The following GRID2 variants were observed in gnomAD, a reference collection of about 807,000 sequenced individuals.
The protein encoded by GRID2 is glutamate receptor ionotropic, delta-2.
Under a neutral mutation model 114.8 loss-of-function variants are expected in GRID2, and 33 were observed. That is an observed-to-expected ratio of 0.29 (90% CI 0.22 to 0.38). GRID2 has a LOEUF of 0.38. Among genes scored for constraint, GRID2 ranks in the 10% least tolerant of loss-of-function variants. The pLI is 1.00. For synonymous variants in GRID2, 505 were observed against 449.9 expected, an observed-to-expected ratio of 1.12 and a Z score of -1.55; for missense variants, 1,184 against 1,257.7, an observed-to-expected ratio of 0.94 and a Z score of 0.89.
At chr4:92,512,883 A>C (rs1038326444) in intron 1 of GRID2, among the ~76,000 whole-genome samples, 14 of 151,862 alleles carry the variant, frequency 9.2e-5, no homozygotes, top group Non-Finnish European at 5.9e-5. Context: ...ATATTTTTGA[A>C]AAAGTATCAT....
chr4:92,809,154 C>T (rs1011977482), intron 2 of GRID2, among the ~76,000 whole-genome samples: 3 of 151,748 alleles, frequency 2.0e-5, no homozygotes, highest in African/African-American at 7.3e-5. Flanking sequence ...TTATCCATGC[C>T]CTTTAGAACA....
intron 2 of GRID2, among the ~76,000 whole-genome samples, chr4:93,077,112 G>A (rs1258008839): frequency 6.6e-6 from 1 of 152,144 alleles, no homozygotes; most frequent in Admixed American, 6.6e-5. Flanking sequence ...GACAGTTTTG[G>A]TAATTGAGTG....
At chr4:92,884,512 A>G (rs1336639739) in intron 2 of GRID2, among the ~76,000 whole-genome samples, 1 of 152,224 alleles carries the variant, frequency 6.6e-6, no homozygotes, top group African/African-American at 2.4e-5. Context: ...GGCATTCAGC[A>G]TGCCTTCCTC....
intron 2 of GRID2, among the ~76,000 whole-genome samples, chr4:92,930,391 ATTTAT>A (rs1424280947): frequency 6.6e-6 from 1 of 151,208 alleles, no homozygotes; most frequent in East Asian, 1.9e-4. Context: ...TGCTTGTTCA[ATTTAT>A]TTTAATTTAT....
At chr4:92,459,405 ACCAT>A (rs1721371219) in intron 1 of GRID2, among the ~76,000 whole-genome samples, 1 of 152,210 alleles carries the variant, frequency 6.6e-6, no homozygotes, top group Admixed American at 6.5e-5. Flanking sequence ...CAATATGCAA[ACCAT>A]CCATAACCAC....
intron 2 of GRID2, among the ~76,000 whole-genome samples, chr4:92,866,211 A>T (rs1051113088): frequency 6.6e-6 from 1 of 152,100 alleles, no homozygotes; most frequent in Non-Finnish European, 1.5e-5. Flanking sequence ...GTCCATCATC[A>T]CTCAAATTGT....
chr4:92,320,715 C>A (rs1345914253), intron 1 of GRID2, among the ~76,000 whole-genome samples: 1 of 152,014 alleles, frequency 6.6e-6, no homozygotes, highest in East Asian at 1.9e-4. Context: ...TGACCTCAAG[C>A]GATCCACCTG....
At chr4:93,536,592 T>G (rs1290440787) in intron 13 of GRID2, among the ~76,000 whole-genome samples, 1 of 151,142 alleles carries the variant, frequency 6.6e-6, no homozygotes, top group Non-Finnish European at 1.5e-5. Flanking sequence ...AAAGAAAATA[T>G]AGTGGAGGAA....
Position 93,490,697 on chromosome 4 carries a change from A to C in GRID2, c.1917A>C (p.Leu639=). 2 of 1,609,770 alleles carry C rather than the reference A, an allele frequency of 1.2e-6. No homozygotes were observed. Among genetic ancestry groups the C allele is most frequent in the Non-Finnish European group, 1.7e-6 (2 of 1,176,772 alleles). The part of the protein sequence containing the change: ...ATRMMMGAWW[L]FALIVISSYT... ...GAATGATGATGGGGGCTTGGTGGCT[A>C]TTTGCTTTGATTGTTATCTCATCTT... Residue 639 remains leucine, a synonymous_variant, in exon 12 of 16, where the codon CTA becomes CTC. Coordinates refer to ENST00000282020, the MANE Select transcript of GRID2 (RefSeq NM_001510.4).
chr4:93,094,471 T>G (rs1257052470), intron 3 of GRID2, among the ~76,000 whole-genome samples: 1 of 152,092 alleles, frequency 6.6e-6, no homozygotes, highest in East Asian at 1.9e-4. Flanking sequence ...CTCAGTCCAG[T>G]ATTCTCTCTG....
chr4:92,525,328 C>T (rs898154712), intron 1 of GRID2, among the ~76,000 whole-genome samples: 3 of 151,618 alleles, frequency 2.0e-5, no homozygotes, highest in African/African-American at 7.3e-5. Flanking sequence ...GGTTAAAGAA[C>T]AGTGGAAATG....
At chr4:92,706,818 A>G (rs536019692) in intron 2 of GRID2, among the ~76,000 whole-genome samples, 2 of 152,310 alleles carry the variant, frequency 1.3e-5, no homozygotes, top group African/African-American at 4.8e-5. Flanking sequence ...ATTCTCTATA[A>G]TTACAACTAC....
In GRID2 at chr4:93,198,328, A is replaced by G. The variant is rs142238303; in HGVS notation, c.736-9076A>G. Among the ~76,000 whole-genome samples the G allele has an allele frequency of 2.8e-3, 420 of 152,262 alleles. 1 individual carries two copies. The highest frequency in any genetic ancestry group is 9.3e-3 in the African/African-American group (387 of 41,544). ...AATAGGACAAAAGTAACAGAGACTCATGGGGGAGCAATAATGGATGATCAT... is the reference window on the plus strand; with the variant it reads ...AATAGGACAAAAGTAACAGAGACTCGTGGGGGAGCAATAATGGATGATCAT... On this transcript the variant is annotated intron_variant, in intron 4 of 15. Transcript: ENST00000282020.
intron 13 of GRID2, among the ~76,000 whole-genome samples, chr4:93,592,020 T>A (rs1047095204): frequency 7.2e-5 from 11 of 152,182 alleles, no homozygotes; most frequent in Non-Finnish European, 1.5e-4. Flanking sequence ...CCTGGATTCA[T>A]TAATTTTTTG....
At chr4:92,310,521 C>A (rs928915283) in intron 1 of GRID2, among the ~76,000 whole-genome samples, 3 of 151,826 alleles carry the variant, frequency 2.0e-5, no homozygotes, top group Non-Finnish European at 4.4e-5. Context: ...GGATTCATGT[C>A]ATTAAATTGG....
At position 93,762,834 on chromosome 4, in the gene GRID2, A is replaced by T. The variant is rs73839684; in HGVS notation, c.2361-6376A>T. On this transcript the variant is annotated intron_variant, in intron 14 of 15. Coordinates refer to ENST00000282020, the MANE Select transcript of GRID2 (RefSeq NM_001510.4). ...TGTGCCTCGCATGCGGGGTTAGAGC[A>T]TATGGACCTGCCTTGGGCCCCTCCA... 4.3e-3 allele frequency among the ~76,000 whole-genome samples: 661 copies of T among 152,202 alleles called. 4 individuals are homozygous for T. The highest frequency in any genetic ancestry group is 0.015 in the African/African-American group (635 of 41,532).
At chr4:93,274,019 C>G (rs1296060731) in intron 8 of GRID2, among the ~76,000 whole-genome samples, 3 of 149,814 alleles carry the variant, frequency 2.0e-5, no homozygotes, top group Non-Finnish European at 4.4e-5. Flanking sequence ...AAATTAAGAT[C>G]TTTATGATTA....
At chr4:92,574,858 A>G (rs1033271808) in intron 1 of GRID2, among the ~76,000 whole-genome samples, 1 of 152,116 alleles carries the variant, frequency 6.6e-6, no homozygotes. Context: ...CTGAATTTGA[A>G]TGTTGGCCTT....
At chr4:93,372,816 T>A (rs1763055317) in intron 8 of GRID2, among the ~76,000 whole-genome samples, 1 of 152,180 alleles carries the variant, frequency 6.6e-6, no homozygotes, top group Admixed American at 6.5e-5. Flanking sequence ...GATAGTAACT[T>A]CTGAGAGTCT....
Sources: allele counts gnomAD v4.1 joint callset (sites outside exome capture counted in the v4.1 genomes callset), GRCh38; gene constraint gnomAD v4.1.1; transcripts MANE v1.5; gene names NCBI Gene and HGNC (gene_info 2026-07-23, HGNC 2026-07-21).